Variants in ZCCHC7 observed in about 807,000 individuals in gnomAD.
ZCCHC7 encodes zinc finger CCHC domain-containing protein 7.
Under a neutral mutation model 52.0 loss-of-function variants are expected in ZCCHC7, and 35 were observed. The observed-to-expected ratio is 0.67, with a 90% CI of 0.51 to 0.89. The LOEUF (loss-of-function observed/expected upper bound fraction) is 0.89, where lower values mean the gene tolerates loss of function less well. Among genes scored for constraint, ZCCHC7 ranks in the 40% least tolerant of loss-of-function variants. The pLI is 0.00. For missense variants in ZCCHC7, 574 were observed against 649.1 expected (o/e 0.88, Z 1.26); for synonymous variants, 217 against 221.5 (o/e 0.98, Z 0.18).
intron 2 of ZCCHC7, among the ~76,000 whole-genome samples, chr9:37,158,521 G>A (rs1820931312): frequency 6.6e-6 from 1 of 152,198 alleles, no homozygotes; most frequent in Admixed American, 6.5e-5. Context: ...GGGAGTAATT[G>A]TGTCAGACAA....
At chr9:37,286,776 T>A (rs1828228424) in intron 2 of ZCCHC7, among the ~76,000 whole-genome samples, 2 of 150,046 alleles carry the variant, frequency 1.3e-5, no homozygotes, top group South Asian at 4.2e-4. Flanking sequence ...TAATTTAATC[T>A]TGATTCTCTT....
At chr9:37,228,902 C>G (rs1263948019) in intron 2 of ZCCHC7, among the ~76,000 whole-genome samples, 3 of 145,936 alleles carry the variant, frequency 2.1e-5, no homozygotes, top group Non-Finnish European at 4.5e-5. Flanking sequence ...GTGGCGCAAT[C>G]TCAGCTCACT....
At chr9:37,314,401 A>G (rs953430587) in intron 5 of ZCCHC7, among the ~76,000 whole-genome samples, 1 of 152,238 alleles carries the variant, frequency 6.6e-6, no homozygotes, top group African/African-American at 2.4e-5. Context: ...GAATTTTATT[A>G]AATTTCAAAC....
chr9:37,351,757 T>C (rs1353995215), intron 7 of ZCCHC7, among the ~76,000 whole-genome samples: 2 of 152,214 alleles, frequency 1.3e-5, no homozygotes, highest in East Asian at 3.8e-4. Flanking sequence ...GATGTACAAT[T>C]TTTGCTTGCT....
intron 7 of ZCCHC7, among the ~76,000 whole-genome samples, chr9:37,351,285 A>G (rs1821363158): frequency 6.6e-6 from 1 of 152,112 alleles, no homozygotes; most frequent in Non-Finnish European, 1.5e-5. Context: ...CTTTATCTCC[A>G]AAGCAGAGAA....
At chr9:37,344,388 A>G (rs536028470) in intron 6 of ZCCHC7, among the ~76,000 whole-genome samples, 2 of 152,202 alleles carry the variant, frequency 1.3e-5, no homozygotes, top group East Asian at 3.9e-4. Context: ...TCTTCACCCT[A>G]ATTTATAAAG....
intron 2 of ZCCHC7, among the ~76,000 whole-genome samples, chr9:37,269,340 A>T (rs142004852): frequency 6.6e-6 from 1 of 152,284 alleles, no homozygotes; most frequent in Non-Finnish European, 1.5e-5. Flanking sequence ...GAATGGTGAG[A>T]GGGCCTGTAG....
chr9:37,159,274 T>C (rs1350895143), intron 2 of ZCCHC7, among the ~76,000 whole-genome samples: 2 of 152,302 alleles, frequency 1.3e-5, no homozygotes, highest in East Asian at 3.9e-4. Flanking sequence ...GTGACAACAT[T>C]TTAATCTATC....
At chr9:37,168,784 C>T (rs1048025107) in intron 2 of ZCCHC7, among the ~76,000 whole-genome samples, 1 of 152,086 alleles carries the variant, frequency 6.6e-6, no homozygotes, top group Non-Finnish European at 1.5e-5. Context: ...TTAGCATCTA[C>T]TGAGGTTTAT....
intron 5 of ZCCHC7, among the ~76,000 whole-genome samples, chr9:37,316,105 G>T (rs552951727): frequency 3.6e-4 from 54 of 151,484 alleles, no homozygotes; most frequent in African/African-American, 1.3e-3. Flanking sequence ...GTGCAGTGGC[G>T]CTGGAGTGCA....
chr9:37,273,157 A>G (rs1827508637), intron 2 of ZCCHC7, among the ~76,000 whole-genome samples: 1 of 152,178 alleles, frequency 6.6e-6, no homozygotes, highest in Non-Finnish European at 1.5e-5. Context: ...GTAGTTGGCA[A>G]CAGAGACATT....
chr9:37,183,558 G>A (rs1446064361), intron 2 of ZCCHC7, among the ~76,000 whole-genome samples: 12 of 152,076 alleles, frequency 7.9e-5, no homozygotes, highest in Non-Finnish European at 1.3e-4. Flanking sequence ...TTGAACCATA[G>A]CGTTGTTGAT....
rs398113463 is a variant in ZCCHC7, at chr9:37,304,180, T to TA, written c.655-8_655-7insA. The TA allele has an allele frequency of 4.8e-4, 766 of 1,588,686 alleles. 9 individuals are homozygous for TA. The South Asian group carries it at 8.1e-3, about 17-fold the overall frequency. On this transcript the variant is annotated splice_region_variant and splice_polypyrimidine_tract_variant and intron_variant, in intron 3 of 8. Transcript: ENST00000336755. Reference sequence around the variant, plus strand: ...ATTTTTTTAATTCTTGATTTTTTTTTCCCTTAGGCCCAGATAGCTAATAAC... The same window carrying TA: ...ATTTTTTTAATTCTTGATTTTTTTTTACCCTTAGGCCCAGATAGCTAATAAC...
At chr9:37,126,102 CAGT>C (rs1324563509) in intron 1 of ZCCHC7, among the ~76,000 whole-genome samples, 3 of 152,210 alleles carry the variant, frequency 2.0e-5, no homozygotes, top group South Asian at 2.1e-4. Context: ...CTCAATTTGT[CAGT>C]AGTAATTCTC....
chr9:37,256,822 G>T (rs1243729431), intron 2 of ZCCHC7, among the ~76,000 whole-genome samples: 1 of 152,156 alleles, frequency 6.6e-6, no homozygotes, highest in Non-Finnish European at 1.5e-5. Context: ...TTGGCCTAGT[G>T]TAAAAGAACA....
chr9:37,145,690 A>T (rs1026676401), intron 2 of ZCCHC7, among the ~76,000 whole-genome samples: 2 of 151,948 alleles, frequency 1.3e-5, no homozygotes, highest in Admixed American at 1.3e-4. Context: ...CCAACTTTTA[A>T]AACTACTTAT....
intron 2 of ZCCHC7, among the ~76,000 whole-genome samples, chr9:37,137,861 G>A (rs1428265243): frequency 6.6e-6 from 1 of 152,074 alleles, no homozygotes; most frequent in African/African-American, 2.4e-5. Context: ...CCCTCCTTTG[G>A]CATTCATCGT....
intron 2 of ZCCHC7, among the ~76,000 whole-genome samples, chr9:37,180,907 T>C (rs1822316205): frequency 6.6e-6 from 1 of 152,164 alleles, no homozygotes; most frequent in African/African-American, 2.4e-5. Context: ...TCGGATGATA[T>C]GATTGTTTTA....
intron 2 of ZCCHC7, among the ~76,000 whole-genome samples, chr9:37,160,989 G>T (rs1386318935): frequency 4.0e-5 from 6 of 150,314 alleles, no homozygotes; most frequent in Non-Finnish European, 8.9e-5. Flanking sequence ...TGGCTCTGTT[G>T]CCCAGGCTGG....
Sources: allele counts gnomAD v4.1 joint callset (sites outside exome capture counted in the v4.1 genomes callset), GRCh38; gene constraint gnomAD v4.1.1; transcripts MANE v1.5; gene names NCBI Gene and HGNC (gene_info 2026-07-23, HGNC 2026-07-21).